The following SLC11A2 variants were observed in gnomAD, a reference collection of about 807,000 sequenced individuals.
SLC11A2 encodes natural resistance-associated macrophage protein 2.
Under a neutral mutation model 68.0 loss-of-function variants are expected in SLC11A2, and 38 were observed. The observed-to-expected ratio is 0.56, with a 90% confidence interval of 0.43 to 0.73. The LOEUF (loss-of-function observed/expected upper bound fraction) is 0.73, where lower values mean the gene tolerates loss of function less well. Ranked by LOEUF, SLC11A2 falls within the 30% of genes least tolerant of loss-of-function variation. The probability of loss-of-function intolerance (pLI) is 0.00; values close to 1 mark genes in which losing one functional copy is unlikely to be tolerated. For missense variants in SLC11A2, 517 were observed against 690.5 expected (o/e 0.75, Z 2.82); for synonymous variants, 242 against 250.6 (o/e 0.97, Z 0.32).
intron 2 of SLC11A2, chr12:51,009,091 C>T: frequency 1.5e-6 from 2 of 1,290,646 alleles, no homozygotes; most frequent in East Asian, 2.5e-5. Flanking sequence ...ATGTCCTCCC[C>T]ACCTCCTATA....
At chr12:50,956,994 T>G in the SLC11A2 span, among the ~76,000 whole-genome samples, 1 of 151,984 alleles carries the variant, frequency 6.6e-6, no homozygotes, top group Non-Finnish European at 1.5e-5. Context: ...TTTGTTATTT[T>G]TTTTTTTGCT....
In SLC11A2 at chr12:51,005,716, A is replaced by C. The variant is rs552259849; in HGVS notation, c.184-280T>G. 4.5e-5 allele frequency: 58 copies of C among 1,301,756 alleles called. No individual in the cohort carries two copies. In the South Asian group the frequency reaches 6.7e-4, roughly 15 times the overall value. The allele number at this position is 1,301,756 out of a possible 1,614,324, so 80.6% of individuals were successfully genotyped here. On this transcript the variant is annotated intron_variant, in intron 3 of 15. Coordinates refer to ENST00000262052, the MANE Select transcript of SLC11A2 (RefSeq NM_000617.3). ...AACAGTATCAGTACCTCTGTGCCCA[A>C]ACACTTCCCAAAAAGGACAAGAGCC...
the SLC11A2 span, among the ~76,000 whole-genome samples, chr12:50,958,961 G>C: frequency 2.6e-5 from 4 of 151,808 alleles, no homozygotes; most frequent in Non-Finnish European, 5.9e-5. Context: ...AGGTTGCAGT[G>C]AGCTGAGATT....
chr12:50,956,059 G>A, the SLC11A2 span, among the ~76,000 whole-genome samples: 1 of 152,190 alleles, frequency 6.6e-6, no homozygotes, highest in East Asian at 1.9e-4. Flanking sequence ...ATTTGATTAA[G>A]GGAATAGAGA....
At chr12:50,969,706 A>G in the SLC11A2 span, among the ~76,000 whole-genome samples, 1 of 151,902 alleles carries the variant, frequency 6.6e-6, no homozygotes, top group Non-Finnish European at 1.5e-5. Flanking sequence ...CCATCTCAAA[A>G]AAAAAAAAAC....
rs149602502 is a variant in SLC11A2 at position 50,987,839 on chromosome 12, T to C, written c.*486A>G. The C allele has an allele frequency of 3.8e-5, 48 of 1,257,758 alleles. No homozygotes were observed. The highest frequency in any genetic ancestry group is 2.3e-4 in the African/African-American group (15 of 64,052). The allele number at this position is 1,257,758 out of a possible 1,614,324, so 77.9% of individuals were successfully genotyped here. ...ATATGGATGAAGCTATTCTAGTTGATAATTTGGTATAATTAAAATAACTGA... is the reference window on the plus strand; with the variant it reads ...ATATGGATGAAGCTATTCTAGTTGACAATTTGGTATAATTAAAATAACTGA... On this transcript the variant is annotated 3_prime_UTR_variant, in exon 16 of 16. Coordinates refer to ENST00000262052, the MANE Select transcript of SLC11A2 (RefSeq NM_000617.3).
chr12:51,008,348 G>C (rs1942933067), intron 3 of SLC11A2, 128 bp downstream of exon 3: 4 of 688,590 alleles, frequency 5.8e-6, no homozygotes, highest in Non-Finnish European at 1.1e-5. Context: ...TAGATATATA[G>C]ATATAGTCTT....
Position 51,000,429 on chromosome 12 carries a change from A to G in SLC11A2, c.430-10T>C. 6.3e-7 allele frequency: 1 copy of G among 1,589,966 alleles called. No individual in the cohort carries two copies. Among genetic ancestry groups the G allele is most frequent in the Non-Finnish European group, 8.6e-7 (1 of 1,157,890 alleles). On this transcript the variant is annotated splice_polypyrimidine_tract_variant and intron_variant, in intron 5 of 15. Coordinates refer to ENST00000262052, the MANE Select transcript of SLC11A2 (RefSeq NM_000617.3). The stretch of plus-strand genomic sequence containing the variant: ...GGATGACTCGTGGGACCTAAACATC[A>G]AACAGTAGAAAGACACGGTTCTGAT...
chr12:50,993,036 C>T, intron 11 of SLC11A2, 107 bp from the exon 12 acceptor site: 1 of 1,321,056 alleles, frequency 7.6e-7, no homozygotes, highest in Non-Finnish European at 1.1e-6. Flanking sequence ...TATGCACCAC[C>T]AACACCAAGT....
At position 50,987,875 on chromosome 12, in the gene SLC11A2, A is replaced by G. The variant is rs1347865063; in HGVS notation, c.*450T>C. On this transcript the variant is annotated 3_prime_UTR_variant, in exon 16 of 16. Coordinates refer to ENST00000262052, the MANE Select transcript of SLC11A2 (RefSeq NM_000617.3). ...AATTAAAATAACTGAAAAGGTAGGT[A>G]TAAGGAAAATTTCTCAGCCTTTAAA... The G allele has an allele frequency of 9.5e-6, 12 of 1,268,946 alleles. No individual in the cohort carries two copies. The highest frequency in any genetic ancestry group is 1.0e-5 in the Non-Finnish European group (10 of 979,018). The allele number at this position is 1,268,946 out of a possible 1,614,324, so 78.6% of individuals were successfully genotyped here.
intron 3 of SLC11A2, among the ~76,000 whole-genome samples, chr12:51,007,245 C>T (rs1051402078): frequency 6.6e-6 from 1 of 152,142 alleles, no homozygotes; most frequent in Non-Finnish European, 1.5e-5. Context: ...CACATGTTCT[C>T]GGGACTTCCT....
the SLC11A2 span, chr12:50,954,267 C>T: frequency 2.1e-6 from 1 of 468,402 alleles, no homozygotes; most frequent in Non-Finnish European, 3.8e-6. Context: ...GGTAAGCCCC[C>T]AGTAAATGTT....
At position 51,008,615 on chromosome 12, in the gene SLC11A2, G is replaced by T. The variant is rs1458341671; in HGVS notation, c.44C>A (p.Ser15Tyr). 1 of 1,611,890 alleles carries T rather than the reference G, an allele frequency of 6.2e-7. No individual in the cohort carries two copies. The highest frequency in any genetic ancestry group is 1.3e-5 in the African/African-American group (1 of 74,948). Residue 15 changes from serine to tyrosine, a missense_variant, in exon 3 of 16, where the codon TCT becomes TAT. By Grantham distance (144) the Ser-to-Tyr change is moderately radical (BLOSUM62 -2). Transcript: ENST00000262052. ...ACTGGCAGACTCCCCATGATCTCCA[G>T]AAACACTGTCTGAATTAACAGATTT... is the stretch of plus-strand genomic sequence containing the variant. ...PEQKMSDDSV[S>Y]GDHGESASLG...
Position 50,986,675 on chromosome 12 carries a change from A to G in SLC11A2, c.*1650T>C, listed in dbSNP as rs1284299360. On this transcript the variant is annotated 3_prime_UTR_variant, in exon 16 of 16. Transcript: ENST00000262052. ...CAGAGTGCCTTTATGACCAGTTTGG[A>G]GAATTACGATGGTAAGGGGAAGAGG... 6.2e-6 allele frequency: 8 copies of G among 1,286,698 alleles called. No individual in the cohort carries two copies. Among genetic ancestry groups the G allele is most frequent in the Non-Finnish European group, 8.1e-6 (8 of 988,402 alleles). 79.7% of individuals were successfully genotyped at this position (1,286,698 alleles called of 1,614,324 possible).
chr12:51,020,247 G>A (rs1943948705), intron 1 of SLC11A2, among the ~76,000 whole-genome samples: 1 of 148,790 alleles, frequency 6.7e-6, no homozygotes, highest in Admixed American at 6.7e-5. Context: ...TTGTAAAGGT[G>A]GGGTCTTGCT....
chr12:50,961,069 G>A, the SLC11A2 span: 1 of 1,613,860 alleles, frequency 6.2e-7, no homozygotes, highest in East Asian at 2.2e-5. Context: ...GAGAGTTGCT[G>A]CCCAAGGATT....
At position 50,987,277 on chromosome 12, in the gene SLC11A2, G is replaced by A; in HGVS notation, c.*1048C>T. ...CTGACTTGCAGAGAACGCTGAGAAAGACAGTGTGCTTTGCAACGGTTAAGT... is the reference window on the plus strand; with the variant it reads ...CTGACTTGCAGAGAACGCTGAGAAAAACAGTGTGCTTTGCAACGGTTAAGT... On this transcript the variant is annotated 3_prime_UTR_variant, in exon 16 of 16. Coordinates refer to ENST00000262052, the MANE Select transcript of SLC11A2 (RefSeq NM_000617.3). The A allele has an allele frequency of 7.8e-7, 1 of 1,287,206 alleles. No individual in the cohort carries two copies. The highest frequency in any genetic ancestry group is 1.0e-6 in the Non-Finnish European group (1 of 988,686). The allele number at this position is 1,287,206 out of a possible 1,614,324, so 79.7% of individuals were successfully genotyped here. A position where few individuals can be genotyped will look rare whatever the true frequency, so the allele number is the denominator to read the frequency against.
At chr12:51,003,764 C>T in intron 5 of SLC11A2, among the ~76,000 whole-genome samples, 1 of 66,846 alleles carries the variant, frequency 1.5e-5, no homozygotes, top group Non-Finnish European at 3.3e-5. Flanking sequence ...CTCATCTCCA[C>T]AAAAAAAAAA....
Position 50,985,999 on chromosome 12 carries a change from A to C in SLC11A2, c.*2326T>G, listed in dbSNP as rs563410514. 15 of 1,157,760 alleles carry C rather than the reference A, an allele frequency of 1.3e-5. No individual in the cohort carries two copies. Among genetic ancestry groups the C allele is most frequent in the Admixed American group, 4.2e-5 (1 of 23,974 alleles). The allele number at this position is 1,157,760 out of a possible 1,614,324, so 71.7% of individuals were successfully genotyped here. A position where few individuals can be genotyped will look rare whatever the true frequency, so the allele number is the denominator to read the frequency against. On this transcript the variant is annotated 3_prime_UTR_variant, in exon 16 of 16. Coordinates refer to ENST00000262052, the MANE Select transcript of SLC11A2 (RefSeq NM_000617.3). The stretch of plus-strand genomic sequence containing the variant: ...AATACCCAGGAAACCAAATTGGAAA[A>C]AGAAATTTTTTTTTAATTAGAAACC...
Sources: allele counts gnomAD v4.1 joint callset (sites outside exome capture counted in the v4.1 genomes callset), GRCh38; gene constraint gnomAD v4.1.1; transcripts MANE v1.5; gene names NCBI Gene and HGNC (gene_info 2026-07-23, HGNC 2026-07-21).